The following NCBP3 variants were observed in gnomAD, a reference collection of about 807,000 sequenced individuals.
NCBP3 encodes the protein nuclear cap-binding protein subunit 3.
NCBP3 carries 20 observed loss-of-function variants against 75.7 expected under a neutral mutation model. The observed-to-expected ratio is 0.26, with a 90% confidence interval of 0.19 to 0.38. The LOEUF (loss-of-function observed/expected upper bound fraction) is 0.38. Ranked by LOEUF, NCBP3 falls within the 10% of genes least tolerant of loss-of-function variation. The pLI is 1.00. For missense variants in NCBP3, 678 were observed against 796.9 expected (o/e 0.85, Z 1.80); for synonymous variants, 293 against 290.5 (o/e 1.01, Z -0.09).
chr17:3,825,937 A>G, intron 5 of NCBP3, 94 bp from the exon 6 acceptor site: 1 of 1,405,572 alleles, frequency 7.1e-7, no homozygotes, highest in Admixed American at 2.1e-5. Flanking sequence ...TTAAAAGTCC[A>G]GTATTTTCTC....
rs377701206 is a variant in NCBP3, at chr17:3,822,047, T to C, written c.802A>G (p.Lys268Glu). 16 of 1,602,728 alleles carry C rather than the reference T, an allele frequency of 1.0e-5. No individual in the cohort carries two copies. The highest frequency in any genetic ancestry group is 1.4e-5 in the Non-Finnish European group (16 of 1,172,448). The part of the protein sequence containing the change: ...LFMRFATKDD[K>E]KELGAARRSQ... ...CTTCTGGCTGCTCCAAGTTCCTTTT[T>C]GTCATCTAAAAATTAATGACAATAG... is the stretch of plus-strand genomic sequence containing the variant. The change falls in exon 8 of 13, where the codon AAA becomes GAA. Residue 268 changes from lysine (K) to glutamate (E), a missense_variant. Lys to Glu is a moderately conservative substitution (Grantham distance 56, BLOSUM62 1). This residue lies in a region of NCBP3 where 38 missense variants were observed against 78.9 expected (regional missense o/e 0.48). Transcript: ENST00000389005.
intron 4 of NCBP3, 84 bp downstream of exon 4, chr17:3,829,159 A>G (rs1307258581): frequency 2.1e-6 from 3 of 1,459,182 alleles, no homozygotes; most frequent in Non-Finnish European, 2.8e-6. Flanking sequence ...AGTATGGGCC[A>G]GAACCATTCA....
chr17:3,817,886 C>T (rs1417922750), intron 10 of NCBP3, among the ~76,000 whole-genome samples: 1 of 151,912 alleles, frequency 6.6e-6, no homozygotes, highest in African/African-American at 2.4e-5. Context: ...ATGCACAATG[C>T]AAAACTATAA....
chr17:3,834,221 G>A (rs1006937193), intron 3 of NCBP3, among the ~76,000 whole-genome samples: 5 of 152,158 alleles, frequency 3.3e-5, no homozygotes, highest in African/African-American at 1.2e-4. Context: ...AGTCTACACA[G>A]TAACATGGAA....
chr17:3,814,548 G>C, intron 11 of NCBP3, 65 bp from the exon 12 acceptor site: 2 of 1,561,264 alleles, frequency 1.3e-6, no homozygotes, highest in Non-Finnish European at 8.7e-7. Flanking sequence ...CCAGCCGCCT[G>C]ACACCTCTAA....
chr17:3,812,676 T>A lies in NCBP3; in HGVS notation c.*368A>T. ...ACAGCTGTCAGGGCCAAGGCAATAG[T>A]GAGAAGTTCAGTTCTCTGCTCTTTG... On this transcript the variant is annotated 3_prime_UTR_variant, in exon 13 of 13. Coordinates refer to ENST00000389005, the MANE Select transcript of NCBP3 (RefSeq NM_001114118.3). The A allele has an allele frequency of 1.9e-6, 2 of 1,046,328 alleles. No individual in the cohort carries two copies. The highest frequency in any genetic ancestry group is 2.3e-6 in the Non-Finnish European group (2 of 866,708). The allele number at this position is 1,046,328 out of a possible 1,614,324, so 64.8% of individuals were successfully genotyped here.
At position 3,818,814 on chromosome 17, in the gene NCBP3, T is replaced by C. The variant is rs551552424; in HGVS notation, c.1001-242A>G. On this transcript the variant is annotated intron_variant, in intron 9 of 12. Transcript: ENST00000389005. The surrounding 1 kb of genome is among the most constrained non-coding windows in gnomAD (Gnocchi z 4.7). ...AAGTCATTTAAAATACAACTGACCTTTATTATTCACAGATTTTGTATTTGC... is the reference window on the plus strand; with the variant it reads ...AAGTCATTTAAAATACAACTGACCTCTATTATTCACAGATTTTGTATTTGC... Among the ~76,000 whole-genome samples, 1 of 152,190 alleles carries C rather than the reference T, an allele frequency of 6.6e-6. No individual in the cohort carries two copies. Among genetic ancestry groups the C allele is most frequent in the Non-Finnish European group, 1.5e-5 (1 of 68,036 alleles).
rs2053598709 is a variant in NCBP3 at position 3,818,547 on chromosome 17, G to A, written c.1026C>T (p.Pro342=). Residue 342 remains proline (P), a synonymous_variant, in exon 10 of 13, where the codon CCC becomes CCT. Transcript: ENST00000389005. The surrounding 1 kb of genome is among the most constrained non-coding windows in gnomAD (Gnocchi z 4.7). ...CCTCCTCCTCTTCCTCCTCTTCAAT[G>A]GGTTCCTCGGGAACATTCACTAGCC... ...HSGLVNVPEE[P]IEEEEEEEEE... 6.2e-7 allele frequency: 1 copy of A among 1,607,566 alleles called. No homozygotes were observed. The highest frequency in any genetic ancestry group is 1.3e-5 in the African/African-American group (1 of 74,798).
At chr17:3,841,474 T>C (rs2054061100) in intron 2 of NCBP3, among the ~76,000 whole-genome samples, 1 of 152,222 alleles carries the variant, frequency 6.6e-6, no homozygotes, top group South Asian at 2.1e-4. Context: ...TATCACCCTT[T>C]TCCCATATAC....
intron 4 of NCBP3, among the ~76,000 whole-genome samples, chr17:3,826,725 A>AAG (rs1216313897): frequency 3.3e-5 from 5 of 150,952 alleles, no homozygotes; most frequent in African/African-American, 9.8e-5. Context: ...GGAAGGAAGG[A>AAG]GAGAGAGAGA....
rs747480883 is a variant in NCBP3 at position 3,818,436 on chromosome 17, A to G, written c.1137T>C (p.Ala379=). 8.1e-6 allele frequency: 13 copies of G among 1,614,026 alleles called. No individual in the cohort carries two copies. In the South Asian group the frequency reaches 1.3e-4, roughly 16 times the overall value. The change falls in exon 10 of 13, where the codon GCT becomes GCC. Residue 379 remains alanine (A), a synonymous_variant. Transcript: ENST00000389005. The surrounding 1 kb of genome is among the most constrained non-coding windows in gnomAD (Gnocchi z 4.7). ...CGCTCCGCTCCCGGGGCTGCTTGAGAGCCGGGAGCTCCTCGTGGTACTCTA... is the reference window on the plus strand; with the variant it reads ...CGCTCCGCTCCCGGGGCTGCTTGAGGGCCGGGAGCTCCTCGTGGTACTCTA... ...VVVEYHEELP[A]LKQPRERSAS...
chr17:3,820,701 AGTGG>A (rs1047995673), intron 9 of NCBP3, among the ~76,000 whole-genome samples: 15 of 152,182 alleles, frequency 9.9e-5, no homozygotes, highest in African/African-American at 3.6e-4. Flanking sequence ...GGGAGGCCAA[AGTGG>A]GTGGAACACA....
At chr17:3,826,530 C>T (rs1045691691) in intron 4 of NCBP3, among the ~76,000 whole-genome samples, 3 of 151,848 alleles carry the variant, frequency 2.0e-5, no homozygotes, top group African/African-American at 7.3e-5. Flanking sequence ...ACTTGGGAGG[C>T]CGAGGTGGGA....
intron 9 of NCBP3, among the ~76,000 whole-genome samples, chr17:3,819,460 T>C (rs1283751705): frequency 6.6e-6 from 1 of 151,210 alleles, no homozygotes; most frequent in African/African-American, 2.4e-5. Context: ...CTCGGGAGGC[T>C]GAGGTAGGAG....
chr17:3,813,076 C>G lies in NCBP3; in HGVS notation c.1831G>C (p.Glu611Gln). 1.2e-6 allele frequency: 2 copies of G among 1,614,216 alleles called. No homozygotes were observed. The highest frequency in any genetic ancestry group is 1.1e-5 in the South Asian group (1 of 91,090). ...LPSLQIEVSR[E>Q]SSSGSEAES ...TCTGCCTCTGAACCAGAGCTGCTTTCCCGACTAACTTCAATCTGGAGAGAT... is the reference window on the plus strand; with the variant it reads ...TCTGCCTCTGAACCAGAGCTGCTTTGCCGACTAACTTCAATCTGGAGAGAT... The change falls in exon 13 of 13, where the codon GAA becomes CAA. Residue 611 changes from glutamate to glutamine, a missense_variant. Around this residue, in one of 7 missense-constraint regions of NCBP3, gnomAD observed 365 missense variants for 392.7 expected, o/e 0.93. Transcript: ENST00000389005.
rs1358295752 is a variant in NCBP3, at chr17:3,829,265, G to A, written c.459C>T (p.Ile153=). ...SYFKEYPPAH[I]EWLDDTSCNV... is the part of the protein sequence containing the mutation. The stretch of plus-strand genomic sequence containing the variant: ...TACAGGAGGTATCATCCAACCATTC[G>A]ATGTGAGCTGGAGGATATTCTTTAA... The change falls in exon 4 of 13, where the codon ATC becomes ATT. Residue 153 remains isoleucine, a synonymous_variant. Transcript: ENST00000389005. 7 of 1,551,438 alleles carry A rather than the reference G, an allele frequency of 4.5e-6. No homozygotes were observed. Among genetic ancestry groups the A allele is most frequent in the Admixed American group, 3.9e-5 (2 of 50,976 alleles).
intron 7 of NCBP3, among the ~76,000 whole-genome samples, chr17:3,823,339 G>A (rs1354591730): frequency 6.6e-6 from 1 of 152,000 alleles, no homozygotes; most frequent in Non-Finnish European, 1.5e-5. Flanking sequence ...GCAACACTCC[G>A]TCTCAAAACA....
At chr17:3,829,446 T>C (rs1229462230) in intron 3 of NCBP3, 78 bp from the exon 4 acceptor site, 3 of 1,460,670 alleles carry the variant, frequency 2.1e-6, no homozygotes, top group Non-Finnish European at 1.9e-6. Context: ...TCCTTCCTAA[T>C]AGTTCAGACA....
At chr17:3,833,266 A>G (rs890826932) in intron 3 of NCBP3, among the ~76,000 whole-genome samples, 3 of 152,062 alleles carry the variant, frequency 2.0e-5, no homozygotes, top group African/African-American at 7.2e-5. Flanking sequence ...AGAAAAAACC[A>G]CCATGCTCAG....
Sources: gnomAD v4.1 joint callset for allele counts (sites outside exome capture counted in the v4.1 genomes callset) on GRCh38, gnomAD v4.1.1 for gene constraint, gnomAD v4.1.1 regional missense constraint, Gnocchi (gnomAD v3.1) non-coding constraint, MANE v1.5 for transcripts, NCBI Gene and HGNC (gene_info 2026-07-23, HGNC 2026-07-21) for gene names.